The following TAFA5 variants were observed in gnomAD, a reference collection of about 807,000 sequenced individuals.
TAFA5 encodes the protein chemokine-like protein TAFA-5.
A neutral mutation model predicts 15.3 loss-of-function variants in TAFA5; 6 were observed. The ratio of observed to expected loss-of-function variants is 0.39; its 90% CI spans 0.21 to 0.77. TAFA5 has a LOEUF of 0.77. Among genes scored for constraint, TAFA5 ranks in the 30% least tolerant of loss-of-function variants. The pLI is 0.41. For synonymous variants in TAFA5, 103 were observed against 80.7 expected, an observed-to-expected ratio of 1.28 and a Z score of -1.48; for missense variants, 161 against 193.1, an observed-to-expected ratio of 0.83 and a Z score of 0.98.
intron 2 of TAFA5, among the ~76,000 whole-genome samples, chr22:48,679,795 C>T (rs1928120096): frequency 6.6e-6 from 1 of 152,136 alleles, no homozygotes; most frequent in Non-Finnish European, 1.5e-5. Flanking sequence ...CATCCCTCTC[C>T]TGGTGTGGCT....
chr22:48,615,054 A>G (rs978701715), intron 1 of TAFA5, among the ~76,000 whole-genome samples: 3 of 152,084 alleles, frequency 2.0e-5, no homozygotes, highest in East Asian at 1.9e-4. Context: ...AACAACCACA[A>G]CCAGATTCTA....
At position 48,642,230 on chromosome 22, in the gene TAFA5, G is replaced by A. The variant is rs558352907; in HGVS notation, c.113-4367G>A. ...AGCCCTGTGGGGAGGCCTCGCCACT[G>A]TCCCAGCCCTGCCAGAGCCCCAGGG... On this transcript the variant is annotated intron_variant, in intron 1 of 3. Transcript: ENST00000402357. Among the ~76,000 whole-genome samples, 4 of 152,318 alleles carry A rather than the reference G, an allele frequency of 2.6e-5. No homozygotes were observed. In the South Asian group the frequency reaches 8.3e-4, roughly 32 times the overall value.
intron 1 of TAFA5, among the ~76,000 whole-genome samples, chr22:48,581,569 C>T (rs566987156): frequency 2.0e-5 from 3 of 152,216 alleles, no homozygotes; most frequent in African/African-American, 7.2e-5. Flanking sequence ...GAGGCCGTGT[C>T]CGTGCTCAGT....
rs558964557 is a variant in TAFA5 at position 48,748,013 on chromosome 22, T to C, written c.391-1826T>C. ...AGAAAGTATCATTTACCTGGATGAA[T>C]GGAGCTGGGAGGTTTGGTTCTGTTG... On this transcript the variant is annotated intron_variant, in intron 3 of 3. Transcript: ENST00000402357. Among the ~76,000 whole-genome samples the C allele has an allele frequency of 9.9e-5, 15 of 152,124 alleles. No homozygotes were observed. The South Asian group carries it at 2.1e-3, about 21-fold the overall frequency.
intron 2 of TAFA5, chr22:48,693,209 C>A: frequency 7.5e-7 from 1 of 1,339,248 alleles, no homozygotes; most frequent in South Asian, 1.4e-5. Context: ...GACGGGGCCT[C>A]ACTCGTCCTC....
intron 1 of TAFA5, among the ~76,000 whole-genome samples, chr22:48,501,454 G>A (rs942427074): frequency 3.3e-5 from 5 of 152,218 alleles, no homozygotes; most frequent in South Asian, 4.1e-4. Context: ...GCGTGAACTC[G>A]GGTGACGGCC....
At chr22:48,619,997 C>G (rs1466532597) in intron 1 of TAFA5, among the ~76,000 whole-genome samples, 1 of 152,224 alleles carries the variant, frequency 6.6e-6, no homozygotes, top group East Asian at 1.9e-4. Flanking sequence ...TTGCCTGTGT[C>G]TTAGTGAAAT....
chr22:48,572,236 T>C (rs1454895746), intron 1 of TAFA5, among the ~76,000 whole-genome samples: 5 of 152,206 alleles, frequency 3.3e-5, no homozygotes, highest in Non-Finnish European at 7.3e-5. Context: ...CCTGTCTGTA[T>C]AGGAATAAAG....
chr22:48,499,366 T>G (rs1453170572), intron 1 of TAFA5, among the ~76,000 whole-genome samples: 4 of 152,116 alleles, frequency 2.6e-5, no homozygotes, highest in Non-Finnish European at 5.9e-5. Context: ...CCAAGTGTGA[T>G]TTTTGGAGAT....
At chr22:48,562,385 G>T (rs898675247) in intron 1 of TAFA5, among the ~76,000 whole-genome samples, 3 of 152,166 alleles carry the variant, frequency 2.0e-5, no homozygotes, top group Non-Finnish European at 4.4e-5. Context: ...CGATCTGCCT[G>T]CCTCGGCCTC....
Position 48,726,155 on chromosome 22 carries a change from A to G in TAFA5, c.390+18311A>G, listed in dbSNP as rs141925861. 2.9e-3 allele frequency among the ~76,000 whole-genome samples: 443 copies of G among 152,356 alleles called. 4 individuals are homozygous for G. Among genetic ancestry groups the G allele is most frequent in the African/African-American group, 0.01 (425 of 41,586 alleles). On this transcript the variant is annotated intron_variant, in intron 3 of 3. Coordinates refer to ENST00000402357, the MANE Select transcript of TAFA5 (RefSeq NM_001082967.3). ...ACTTATGTAAATATATGATTGAAAC[A>G]TCGTTTTACTTATGAATTTGTTCTC...
intron 3 of TAFA5, among the ~76,000 whole-genome samples, chr22:48,714,727 C>G (rs1929352062): frequency 6.6e-6 from 1 of 152,206 alleles, no homozygotes; most frequent in African/African-American, 2.4e-5. Flanking sequence ...CCTGTGTGTC[C>G]TGCGGCCACC....
intron 2 of TAFA5, among the ~76,000 whole-genome samples, chr22:48,688,192 T>C (rs889259520): frequency 2.6e-5 from 4 of 152,182 alleles, no homozygotes; most frequent in African/African-American, 9.6e-5. Context: ...GGCGTTTCCA[T>C]TCTTGAGCGT....
chr22:48,628,011 G>A (rs1028618930), intron 1 of TAFA5, among the ~76,000 whole-genome samples: 7 of 151,454 alleles, frequency 4.6e-5, no homozygotes, highest in Admixed American at 2.6e-4. Context: ...AACCTTGCCC[G>A]GAGCGGAGGA....
At chr22:48,662,491 A>G (rs1166753819) in intron 2 of TAFA5, among the ~76,000 whole-genome samples, 2 of 151,532 alleles carry the variant, frequency 1.3e-5, no homozygotes, top group African/African-American at 2.4e-5. Context: ...GATGGGGGTG[A>G]TTCAAGGGCC....
intron 1 of TAFA5, among the ~76,000 whole-genome samples, chr22:48,628,681 T>C (rs1278787030): frequency 6.6e-6 from 1 of 152,184 alleles, no homozygotes; most frequent in Non-Finnish European, 1.5e-5. Flanking sequence ...ATGCTCTGTG[T>C]CCCTCTGGAG....
At chr22:48,726,912 T>A (rs1483364519) in intron 3 of TAFA5, among the ~76,000 whole-genome samples, 1 of 152,200 alleles carries the variant, frequency 6.6e-6, no homozygotes, top group East Asian at 1.9e-4. Context: ...ATGTTCCTCA[T>A]AGACAAGGAG....
intron 3 of TAFA5, among the ~76,000 whole-genome samples, chr22:48,732,950 A>T (rs987325478): frequency 6.6e-6 from 1 of 152,118 alleles, no homozygotes; most frequent in African/African-American, 2.4e-5. Context: ...GCACTAACTT[A>T]TTTTTAAGGT....
intron 2 of TAFA5, among the ~76,000 whole-genome samples, chr22:48,687,037 TGGA>T (rs1257656466): frequency 6.7e-6 from 1 of 148,374 alleles, no homozygotes; most frequent in African/African-American, 2.5e-5. Flanking sequence ...GATGGATTGA[TGGA>T]GGATGGATAG....
Sources: gnomAD v4.1 joint callset for allele counts (sites outside exome capture counted in the v4.1 genomes callset) on GRCh38, gnomAD v4.1.1 for gene constraint, MANE v1.5 for transcripts, NCBI Gene and HGNC (gene_info 2026-07-23, HGNC 2026-07-21) for gene names.